Variants in DNAH11 observed in about 807,000 individuals in gnomAD.
The protein encoded by DNAH11 is axonemal beta dynein heavy chain 11.
DNAH11 carries 442 observed loss-of-function variants against 526.0 expected under a neutral mutation model. That is an observed-to-expected ratio of 0.84 (90% confidence interval 0.78 to 0.91). The LOEUF (loss-of-function observed/expected upper bound fraction) is 0.91, where lower values mean the gene tolerates loss of function less well. Among genes scored for constraint, DNAH11 ranks in the 40% least tolerant of loss-of-function variants. DNAH11 has a pLI of 0.00. For synonymous variants in DNAH11, 2,461 were observed against 1,935.9 expected (o/e 1.27, Z -7.12); for missense variants, 6,989 against 5,448.7 (o/e 1.28, Z -8.90).
chr7:21,569,403 GAGA>G (rs1250858756), intron 6 of DNAH11, among the ~76,000 whole-genome samples: 1 of 152,192 alleles, frequency 6.6e-6, no homozygotes, highest in Non-Finnish European at 1.5e-5. Flanking sequence ...AATATGAAGA[GAGA>G]AGAAGTTGGG....
At chr7:21,718,788 G>A (rs1376334806) in intron 43 of DNAH11, among the ~76,000 whole-genome samples, 1 of 152,164 alleles carries the variant, frequency 6.6e-6, no homozygotes, top group African/African-American at 2.4e-5. Flanking sequence ...CATTAAGTGA[G>A]TGTGTTACCA....
rs565810833 is a variant in DNAH11, at chr7:21,900,977, A to G, written c.13304-30A>G. 9.7e-6 allele frequency: 15 copies of G among 1,539,774 alleles called. No individual in the cohort carries two copies. In the East Asian group the frequency reaches 3.2e-4, roughly 33 times the overall value. ...ATTATCATTAGTAGCAAGCTGCCACACAATTGCAACCGCTGTGTTTTTGCC... is the reference window on the plus strand; with the variant it reads ...ATTATCATTAGTAGCAAGCTGCCACGCAATTGCAACCGCTGTGTTTTTGCC... On this transcript the variant is annotated intron_variant, in intron 81 of 81. Transcript: ENST00000409508.
chr7:21,629,788 T>C (rs1786517630), intron 25 of DNAH11, among the ~76,000 whole-genome samples: 1 of 152,040 alleles, frequency 6.6e-6, no homozygotes, highest in Non-Finnish European at 1.5e-5. Context: ...TTTCCACTCT[T>C]TCACTTTCAG....
chr7:21,549,565 A>C (rs915562074), intron 2 of DNAH11, among the ~76,000 whole-genome samples: 1 of 152,150 alleles, frequency 6.6e-6, no homozygotes, highest in Admixed American at 6.5e-5. Flanking sequence ...TGGTGTTTGC[A>C]CCAACCCATA....
intron 68 of DNAH11, among the ~76,000 whole-genome samples, chr7:21,856,357 C>G (rs1782848841): frequency 6.6e-6 from 1 of 152,104 alleles, no homozygotes; most frequent in Admixed American, 6.5e-5. Context: ...AGGAAAGGAT[C>G]AAGCATAACT....
At chr7:21,588,678 T>C (rs754022233) in intron 11 of DNAH11, 42 bp downstream of exon 11, 33 of 1,597,094 alleles carry the variant, frequency 2.1e-5, no homozygotes. Flanking sequence ...ATTCTAATGG[T>C]ACGGGTGACA....
intron 26 of DNAH11, 114 bp downstream of exon 26, chr7:21,636,209 G>C (rs1786856798): frequency 1.1e-6 from 1 of 894,516 alleles, no homozygotes; most frequent in African/African-American, 1.7e-5. Flanking sequence ...CAGGAGTCAG[G>C]AGACTTTTCC....
At chr7:21,817,493 C>T (rs527316572) in intron 64 of DNAH11, among the ~76,000 whole-genome samples, 16 of 133,966 alleles carry the variant, frequency 1.2e-4, no homozygotes, top group Non-Finnish European at 1.7e-4. Flanking sequence ...CCACCCTGAG[C>T]GACATAGTGA....
chr7:21,702,442 G>T (rs1784103204), intron 36 of DNAH11, among the ~76,000 whole-genome samples: 1 of 151,878 alleles, frequency 6.6e-6, no homozygotes, highest in African/African-American at 2.4e-5. Context: ...AAGGGAGGTG[G>T]ATGGAGCCTT....
At chr7:21,632,878 A>G (rs1003182857) in intron 25 of DNAH11, among the ~76,000 whole-genome samples, 7 of 152,066 alleles carry the variant, frequency 4.6e-5, no homozygotes, top group African/African-American at 1.2e-4. Context: ...ATTGGTACCA[A>G]TTTACTGAAT....
rs150564827 is a variant in DNAH11, at chr7:21,710,735, A to G, written c.6834+32A>G. 5.3e-4 allele frequency: 835 copies of G among 1,590,286 alleles called. 13 individuals carry two copies. In the East Asian group the frequency reaches 0.018, roughly 34 times the overall value. ...AAAACCTCTGTTCTCAACCTTAAAT[A>G]TAACATCCTGAGTGTATTAAGAGTT... On this transcript the variant is annotated intron_variant, in intron 41 of 81. Coordinates refer to ENST00000409508, the MANE Select transcript of DNAH11 (RefSeq NM_001277115.2).
At chr7:21,803,597 G>A (rs1235280095) in intron 62 of DNAH11, among the ~76,000 whole-genome samples, 1 of 110,338 alleles carries the variant, frequency 9.1e-6, no homozygotes, top group African/African-American at 4.2e-5. Flanking sequence ...CACACCTCCT[G>A]CCCAAAAAAA....
intron 12 of DNAH11, 104 bp downstream of exon 12, chr7:21,589,507 A>T: frequency 2.0e-6 from 2 of 979,784 alleles, no homozygotes; most frequent in Non-Finnish European, 3.0e-6. Flanking sequence ...AAAATGTCAG[A>T]GTTGTGAGGA....
intron 20 of DNAH11, among the ~76,000 whole-genome samples, chr7:21,612,519 C>G (rs1785569706): frequency 7.0e-6 from 1 of 142,966 alleles, no homozygotes; most frequent in South Asian, 2.2e-4. Context: ...TGCACCACTG[C>G]ACTCCAGCCT....
chr7:21,564,259 G>C lies in DNAH11; in HGVS notation c.1056G>C (p.Thr352=). The change falls in exon 6 of 82, where the codon ACG becomes ACC. Residue 352 remains threonine, a synonymous_variant. Coordinates refer to ENST00000409508, the MANE Select transcript of DNAH11 (RefSeq NM_001277115.2). ...LRRHIQCLQE[T]EFPQTRILIA... is the part of the protein sequence containing the mutation. The stretch of plus-strand genomic sequence containing the variant: ...GACACATCCAGTGTCTCCAGGAGAC[G>C]GAATTCCCACAGACACGCATATTAA... 1 of 1,613,562 alleles carries C rather than the reference G, an allele frequency of 6.2e-7. No homozygotes were observed. The highest frequency in any genetic ancestry group is 8.5e-7 in the Non-Finnish European group (1 of 1,179,720).
chr7:21,601,378 T>C lies in DNAH11; in HGVS notation c.3426-18T>C, dbSNP rs886038462. Reference sequence around the variant, plus strand: ...TAAACTTAATTTGTGTGTATCTATGTACATATATATTTAATAGTCTGAATG... The same window carrying C: ...TAAACTTAATTTGTGTGTATCTATGCACATATATATTTAATAGTCTGAATG... On this transcript the variant is annotated intron_variant, in intron 17 of 81. Coordinates refer to ENST00000409508, the MANE Select transcript of DNAH11 (RefSeq NM_001277115.2). The C allele has an allele frequency of 6.3e-7, 1 of 1,596,900 alleles. No individual in the cohort carries two copies. The highest frequency in any genetic ancestry group is 1.7e-5 in the Admixed American group (1 of 59,082).
intron 2 of DNAH11, among the ~76,000 whole-genome samples, chr7:21,555,192 T>C (rs564570807): frequency 2.6e-5 from 4 of 152,324 alleles, no homozygotes; most frequent in Admixed American, 2.0e-4. Flanking sequence ...TAAAGCTTGG[T>C]ACACCCAATT....
intron 65 of DNAH11, among the ~76,000 whole-genome samples, chr7:21,826,253 A>T (rs1790292255): frequency 6.6e-6 from 1 of 152,214 alleles, no homozygotes; most frequent in Admixed American, 6.5e-5. Flanking sequence ...TCTTTAAAAC[A>T]AAATAAAGAC....
intron 46 of DNAH11, among the ~76,000 whole-genome samples, chr7:21,738,388 G>C (rs1785710519): frequency 6.6e-6 from 1 of 152,282 alleles, no homozygotes; most frequent in Non-Finnish European, 1.5e-5. Flanking sequence ...AATGGGTACG[G>C]GGGAGGAAGT....
Sources: allele counts gnomAD v4.1 joint callset (sites outside exome capture counted in the v4.1 genomes callset), GRCh38; gene constraint gnomAD v4.1.1; transcripts MANE v1.5; gene names NCBI Gene and HGNC (gene_info 2026-07-23, HGNC 2026-07-21).